Variants in PLEKHG7 observed in about 807,000 individuals in gnomAD.
PLEKHG7 encodes the protein pleckstrin homology and RhoGEF domain containing G7.
In PLEKHG7, 77 loss-of-function variants were observed where a neutral mutation model predicts 85.2. The ratio of observed to expected loss-of-function variants is 0.90; its 90% CI spans 0.75 to 1.09. The LOEUF (loss-of-function observed/expected upper bound fraction) is 1.09, where lower values mean the gene tolerates loss of function less well. Ranked by LOEUF, PLEKHG7 falls within the 50% of genes least tolerant of loss-of-function variation. The probability of loss-of-function intolerance (pLI) is 0.00; values close to 1 mark genes in which losing one functional copy is unlikely to be tolerated. For synonymous variants in PLEKHG7, 301 were observed against 302.4 expected (o/e 1.00, Z 0.05); for missense variants, 777 against 804.3 (o/e 0.97, Z 0.41).
chr12:92,712,415 G>A (rs1353004312), intron 3 of PLEKHG7, among the ~76,000 whole-genome samples: 2 of 152,194 alleles, frequency 1.3e-5, no homozygotes, highest in African/African-American at 2.4e-5. Context: ...CAGGAGATGT[G>A]TTCATTGGCT....
intron 7 of PLEKHG7, among the ~76,000 whole-genome samples, chr12:92,738,454 A>G (rs1872247028): frequency 6.6e-6 from 1 of 152,226 alleles, no homozygotes; most frequent in African/African-American, 2.4e-5. Flanking sequence ...TTGTGACCTT[A>G]GAAAAGTCTA....
chr12:92,711,057 TCCATTG>T (rs1054436418), intron 3 of PLEKHG7, among the ~76,000 whole-genome samples: 28 of 152,250 alleles, frequency 1.8e-4, no homozygotes, highest in Non-Finnish European at 3.5e-4. Flanking sequence ...ATCCAGCCAA[TCCATTG>T]GCTGCAGCCC....
chr12:92,728,473 C>T (rs148439650), intron 3 of PLEKHG7, among the ~76,000 whole-genome samples: 3,516 of 147,514 alleles, frequency 0.024, 140 homozygotes, highest in African/African-American at 0.069. Flanking sequence ...AATATATATA[C>T]ACACCACATT....
chr12:92,728,939 G>A, intron 3 of PLEKHG7, 54 bp from the exon 4 acceptor site: 1 of 1,191,332 alleles, frequency 8.4e-7, no homozygotes. Flanking sequence ...TAGCCATTCT[G>A]AGTGGTCTAA....
chr12:92,742,449 G>T (rs1452235925), intron 9 of PLEKHG7, among the ~76,000 whole-genome samples: 1 of 152,170 alleles, frequency 6.6e-6, no homozygotes, highest in South Asian at 2.1e-4. Context: ...GATAGGAAAT[G>T]CTTCCTGGGG....
Position 92,755,878 on chromosome 12 carries a change from C to A in PLEKHG7, c.1480C>A (p.Leu494Ile). ...WLDNFQKFRYLQEIIVWPPLW... is the reference protein window; with the variant it reads ...WLDNFQKFRYIQEIIVWPPLW... ...GGACAATTTCCAAAAATTTAGATAT[C>A]TACAGGAGATTATAGTGTGGCCACC... Residue 494 changes from leucine to isoleucine, a missense_variant, in exon 12 of 17, where the codon CTA (leucine) becomes ATA (isoleucine). Transcript: ENST00000344636. 1.2e-6 allele frequency: 2 copies of A among 1,613,556 alleles called. No individual in the cohort carries two copies. The highest frequency in any genetic ancestry group is 1.7e-5 in the Admixed American group (1 of 59,950).
At chr12:92,730,098 C>A (rs1459907973) in intron 4 of PLEKHG7, among the ~76,000 whole-genome samples, 3 of 152,194 alleles carry the variant, frequency 2.0e-5, no homozygotes, top group Non-Finnish European at 4.4e-5. Flanking sequence ...TGGGCAGCTG[C>A]AGTCTCCTGT....
intron 11 of PLEKHG7, 138 bp downstream of exon 11, chr12:92,754,402 T>G (rs1872770922): frequency 1.3e-6 from 1 of 794,986 alleles, no homozygotes; most frequent in Non-Finnish European, 2.0e-6. Flanking sequence ...CAAGTGTGAG[T>G]GCATTGTAAA....
intron 11 of PLEKHG7, among the ~76,000 whole-genome samples, chr12:92,755,077 A>G (rs541476775): frequency 6.6e-6 from 1 of 152,332 alleles, no homozygotes; most frequent in East Asian, 1.9e-4. Context: ...TCTCTTAAAG[A>G]TGACTTCTTT....
rs1156674894 is a variant in PLEKHG7, at chr12:92,769,073, AC to A, written c.1962del (p.Asn654LysfsTer10). ...AAFLLQAQTE[N>X]IKKTWMAQIT... ...TTCTTATTACAAGCCCAAACGGAAA[AC>A]ATCAAAGTATGTATTTTAATTTTGT... On this transcript the variant is annotated frameshift_variant, in exon 16 of 17. Transcript: ENST00000344636. LOFTEE classifies it low-confidence loss of function (END_TRUNC). 6.4e-7 allele frequency: 1 copy of A among 1,571,034 alleles called. No individual in the cohort carries two copies. Among genetic ancestry groups the A allele is most frequent in the East Asian group, 2.3e-5 (1 of 44,392 alleles).
chr12:92,713,998 T>C (rs763079542), intron 3 of PLEKHG7, among the ~76,000 whole-genome samples: 1 of 152,196 alleles, frequency 6.6e-6, no homozygotes, highest in Non-Finnish European at 1.5e-5. Context: ...ATGCCTGTTC[T>C]CCAGATTTCT....
rs371700442 is a variant in PLEKHG7 at position 92,761,625 on chromosome 12, AG to A, written c.1637-126del. ...AGAAAGAAAAAGAAAGAAAGAAAGA[AG>A]AAAGAAAGAAAGAAAGAAAGAAAGA... On this transcript the variant is annotated intron_variant, in intron 13 of 16. Transcript: ENST00000344636. 1.1e-3 allele frequency: 70 copies of A among 62,132 alleles called. No individual in the cohort carries two copies. In the East Asian group the frequency reaches 0.044, roughly 39 times the overall value. The allele number at this position is 62,132 out of a possible 1,614,324, so 3.8% of individuals were successfully genotyped here. A position where few individuals can be genotyped will look rare whatever the true frequency, so the allele number is the denominator to read the frequency against.
rs116173791 is a variant in PLEKHG7 at position 92,721,534 on chromosome 12, G to C, written c.531-7459G>C. On this transcript the variant is annotated intron_variant, in intron 3 of 16. Coordinates refer to ENST00000344636, the MANE Select transcript of PLEKHG7 (RefSeq NM_001377329.1). ...GCAACGCAACTCAGGGTTAGTGAAA[G>C]AGTGGCTATATTGGGGTTTCTACAT... 3,375 of 1,198,320 alleles carry C rather than the reference G, an allele frequency of 2.8e-3. 63 individuals are homozygous for C. The African/African-American group carries it at 0.049, about 17-fold the overall frequency. The allele number at this position is 1,198,320 out of a possible 1,614,324, so 74.2% of individuals were successfully genotyped here. A position where few individuals can be genotyped will look rare whatever the true frequency, so the allele number is the denominator to read the frequency against.
chr12:92,710,159 C>A (rs189392567), intron 3 of PLEKHG7, among the ~76,000 whole-genome samples: 49 of 152,194 alleles, frequency 3.2e-4, no homozygotes, highest in Admixed American at 1.2e-3. Context: ...TGACTTCCAC[C>A]CCTTGATTCC....
chr12:92,729,842 A>G (rs1160600828), intron 4 of PLEKHG7, among the ~76,000 whole-genome samples: 1 of 152,186 alleles, frequency 6.6e-6, no homozygotes, highest in East Asian at 1.9e-4. Context: ...CAATGCTTGC[A>G]GCTGAGATGA....
rs1873113151 is a variant in PLEKHG7 at position 92,764,058 on chromosome 12, C to T, written c.1734C>T (p.Asp578=). Residue 578 remains aspartate (D), a synonymous_variant, in exon 15 of 17, where the codon GAC becomes GAT. Transcript: ENST00000344636. ...KCNKKKLGGS[D]PGLMCPSLTP... is the part of the protein sequence containing the mutation. ...AATTTCAGAAACTTGGAGGCTCAGA[C>T]CCTGGTTTAATGTGTCCTTCTCTTA... 1 of 1,603,628 alleles carries T rather than the reference C, an allele frequency of 6.2e-7. No homozygotes were observed. The highest frequency in any genetic ancestry group is 8.5e-7 in the Non-Finnish European group (1 of 1,174,784).
At chr12:92,720,334 T>TA (rs1871603024) in intron 3 of PLEKHG7, among the ~76,000 whole-genome samples, 1 of 151,070 alleles carries the variant, frequency 6.6e-6, no homozygotes, top group Non-Finnish European at 1.5e-5. Context: ...TTTTTTTTTT[T>TA]CTTTTTTTTG....
intron 11 of PLEKHG7, among the ~76,000 whole-genome samples, chr12:92,754,861 A>G (rs1340304464): frequency 1.3e-5 from 2 of 152,212 alleles, no homozygotes; most frequent in Non-Finnish European, 2.9e-5. Flanking sequence ...TCAGAAGGGA[A>G]CAATTCAAAT....
intron 3 of PLEKHG7, among the ~76,000 whole-genome samples, chr12:92,715,325 G>T (rs34630326): frequency 7.0e-4 from 106 of 152,214 alleles, no homozygotes; most frequent in African/African-American, 2.6e-3. Context: ...GGGTGGGTCT[G>T]CCTTCCCCCG....
Sources: gnomAD v4.1 joint callset for allele counts (sites outside exome capture counted in the v4.1 genomes callset) on GRCh38, gnomAD v4.1.1 for gene constraint, MANE v1.5 for transcripts, NCBI Gene and HGNC (gene_info 2026-07-23, HGNC 2026-07-21) for gene names.